Variants in LRRFIP1 observed in about 807,000 individuals in gnomAD.
The protein encoded by LRRFIP1 is leucine-rich repeat flightless-interacting protein 1.
LRRFIP1 carries 62 observed loss-of-function variants against 104.4 expected under a neutral mutation model. That is an observed-to-expected ratio of 0.59 (90% CI 0.48 to 0.73). The LOEUF (loss-of-function observed/expected upper bound fraction) is 0.73. Among genes scored for constraint, LRRFIP1 ranks in the 30% least tolerant of loss-of-function variants. The pLI is 0.00. For missense variants in LRRFIP1, 796 were observed against 824.5 expected (o/e 0.97, Z 0.42); for synonymous variants, 300 against 299.0 (o/e 1.00, Z -0.03).
intron 6 of LRRFIP1, chr2:237,721,574 A>G (rs1001368982): frequency 3.9e-5 from 6 of 152,352 alleles, no homozygotes; most frequent in East Asian, 1.9e-4. Flanking sequence ...CGCTAGTAAT[A>G]AATAAATCTC....
At chr2:237,698,367 A>C (rs375201531) in intron 1 of LRRFIP1, among the ~76,000 whole-genome samples, 87 of 152,360 alleles carry the variant, frequency 5.7e-4, no homozygotes, top group African/African-American at 2.0e-3. Context: ...GACAGAGCCC[A>C]AGCTGGAGGC....
Position 237,766,585 on chromosome 2 carries a change from C to T in LRRFIP1, c.1460-3358C>T, listed in dbSNP as rs1457817189. Among the ~76,000 whole-genome samples, 2 of 152,180 alleles carry T rather than the reference C, an allele frequency of 1.3e-5. No individual in the cohort carries two copies. Among genetic ancestry groups the T allele is most frequent in the African/African-American group, 2.4e-5 (1 of 41,430 alleles). ...ACATCCCTCAGCTCAGCCATCCAGC[C>T]GTCTCAGTGATTCACCACTCATTTG... On this transcript the variant is annotated intron_variant, in intron 19 of 23. Coordinates refer to ENST00000308482, the MANE Select transcript of LRRFIP1 (RefSeq NM_001137550.2). This position sits in a 1 kb window ranked among gnomAD's most constrained non-coding sequence, Gnocchi z 4.8.
chr2:237,705,253 G>A lies in LRRFIP1; in HGVS notation c.97-3291G>A, dbSNP rs375354345. Among the ~76,000 whole-genome samples, 40 of 152,360 alleles carry A rather than the reference G, an allele frequency of 2.6e-4. No homozygotes were observed. In the South Asian group the frequency reaches 7.9e-3, roughly 30 times the overall value. ...CAGAGATACTCGCCCTGTGAGAGCA[G>A]GAGTCACCTCAGACCTCCTCTCCTT... On this transcript the variant is annotated intron_variant, in intron 1 of 23. Transcript: ENST00000308482.
chr2:237,757,099 C>T (rs1160668025), intron 16 of LRRFIP1, among the ~76,000 whole-genome samples: 2 of 152,180 alleles, frequency 1.3e-5, no homozygotes, highest in African/African-American at 4.8e-5. Flanking sequence ...GACTTCTGAC[C>T]TCTAGAATTG....
rs1334409078 is a variant in LRRFIP1 at position 237,661,629 on chromosome 2, G to T, written c.96+33889G>T. Among the ~76,000 whole-genome samples, 1 of 152,180 alleles carries T rather than the reference G, an allele frequency of 6.6e-6. No individual in the cohort carries two copies. Among genetic ancestry groups the T allele is most frequent in the Non-Finnish European group, 1.5e-5 (1 of 68,038 alleles). ...TCCTCACTGTCGATGGAATTTTTCAGTGATACCTAACATCTGTCCCAGAGC... is the reference window on the plus strand; with the variant it reads ...TCCTCACTGTCGATGGAATTTTTCATTGATACCTAACATCTGTCCCAGAGC... On this transcript the variant is annotated intron_variant, in intron 1 of 23. Coordinates refer to ENST00000308482, the MANE Select transcript of LRRFIP1 (RefSeq NM_001137550.2). This position sits in a 1 kb window ranked among gnomAD's most constrained non-coding sequence, Gnocchi z 4.4.
At chr2:237,724,468 G>A (rs1320413177) in intron 7 of LRRFIP1, among the ~76,000 whole-genome samples, 1 of 152,210 alleles carries the variant, frequency 6.6e-6, no homozygotes, top group Non-Finnish European at 1.5e-5. Context: ...TGGGACGGCT[G>A]TTCTGCTCTT....
At chr2:237,738,160 T>C (rs563734508) in intron 10 of LRRFIP1, among the ~76,000 whole-genome samples, 2 of 151,940 alleles carry the variant, frequency 1.3e-5, no homozygotes, top group South Asian at 2.1e-4. Context: ...GATGAGATCA[T>C]GAGCACCCCT....
intron 17 of LRRFIP1, 22 bp downstream of exon 17, chr2:237,757,570 A>T (rs1202792288): frequency 6.6e-7 from 1 of 1,508,748 alleles, no homozygotes; most frequent in Non-Finnish European, 9.0e-7. Flanking sequence ...AAGTCTTGAA[A>T]ATCTACTCAA....
chr2:237,767,659 G>A (rs568556470), intron 19 of LRRFIP1, among the ~76,000 whole-genome samples: 12 of 152,268 alleles, frequency 7.9e-5, no homozygotes, highest in African/African-American at 2.6e-4. Flanking sequence ...GAGACCTAAT[G>A]GTCTGAACAC....
intron 1 of LRRFIP1, among the ~76,000 whole-genome samples, chr2:237,636,178 T>C (rs1182619610): frequency 3.3e-5 from 5 of 151,818 alleles, no homozygotes; most frequent in Admixed American, 1.3e-4. Context: ...TCTGGATTTT[T>C]CCCCCACTTA....
intron 6 of LRRFIP1, chr2:237,721,910 T>C (rs1038986): frequency 0.23 from 34,728 of 152,184 alleles, 4,165 homozygotes; most frequent in East Asian, 0.31. Flanking sequence ...TCAGGGATGC[T>C]GTTGTAACCG....
At chr2:237,694,674 A>G (rs1255939563) in intron 1 of LRRFIP1, among the ~76,000 whole-genome samples, 13 of 152,178 alleles carry the variant, frequency 8.5e-5, no homozygotes, top group Non-Finnish European at 1.9e-4. Context: ...GGTCAGAGGA[A>G]GTAGATTTGG....
chr2:237,761,946 T>A (rs2059919100), intron 19 of LRRFIP1, among the ~76,000 whole-genome samples: 1 of 152,224 alleles, frequency 6.6e-6, no homozygotes, highest in Non-Finnish European at 1.5e-5. Context: ...ATTTGCCTCC[T>A]GCTGGTCCTC....
intron 1 of LRRFIP1, among the ~76,000 whole-genome samples, chr2:237,650,385 A>G (rs2085727948): frequency 6.6e-6 from 1 of 151,918 alleles, no homozygotes; most frequent in Admixed American, 6.6e-5. Flanking sequence ...AGGCAGCAGT[A>G]AGACTTGGAT....
chr2:237,718,199 C>T (rs1269820687), intron 4 of LRRFIP1, among the ~76,000 whole-genome samples: 1 of 152,268 alleles, frequency 6.6e-6, no homozygotes, highest in Non-Finnish European at 1.5e-5. Flanking sequence ...ATTGGCTTCG[C>T]AGCTCACCAG....
At chr2:237,689,068 C>A (rs2092600084) in intron 1 of LRRFIP1, among the ~76,000 whole-genome samples, 1 of 148,528 alleles carries the variant, frequency 6.7e-6, no homozygotes, top group African/African-American at 2.6e-5. Flanking sequence ...AAAAAAAAGA[C>A]TGGGGGTGGG....
chr2:237,735,411 C>A lies in LRRFIP1; in HGVS notation c.555+78C>A. On this transcript the variant is annotated intron_variant, in intron 10 of 23. Transcript: ENST00000308482. This position sits in a 1 kb window ranked among gnomAD's most constrained non-coding sequence, Gnocchi z 4.6. ...GGGATGCTCGCTGGGCAGGGTCCAG[C>A]CGTGGGGGGTGACTGGCCATTCTCA... is the stretch of plus-strand genomic sequence containing the variant. The A allele has an allele frequency of 4.4e-6, 6 of 1,375,786 alleles. No individual in the cohort carries two copies. Among genetic ancestry groups the A allele is most frequent in the Non-Finnish European group, 5.9e-6 (6 of 1,013,386 alleles). The allele number at this position is 1,375,786 out of a possible 1,614,324, so 85.2% of individuals were successfully genotyped here.
intron 8 of LRRFIP1, among the ~76,000 whole-genome samples, chr2:237,729,470 A>G (rs1267834767): frequency 7.0e-6 from 1 of 143,474 alleles, no homozygotes; most frequent in African/African-American, 2.9e-5. Flanking sequence ...TTTACTGACA[A>G]CGCAGTGTGA....
intron 1 of LRRFIP1, among the ~76,000 whole-genome samples, chr2:237,698,343 A>C (rs1478143272): frequency 6.6e-6 from 1 of 152,220 alleles, no homozygotes; most frequent in African/African-American, 2.4e-5. Context: ...ATCCAGGCTC[A>C]CATAACTGTA....
Sources: gnomAD v4.1 joint callset for allele counts (sites outside exome capture counted in the v4.1 genomes callset) on GRCh38, gnomAD v4.1.1 for gene constraint, Gnocchi (gnomAD v3.1) non-coding constraint, MANE v1.5 for transcripts, NCBI Gene and HGNC (gene_info 2026-07-23, HGNC 2026-07-21) for gene names.